Variants in RSRC1 observed in about 807,000 individuals in gnomAD.
The protein encoded by RSRC1 is arginine and serine rich coiled-coil 1, also known as serine/Arginine-related protein 53.
In RSRC1, 39 loss-of-function variants were observed where a neutral mutation model predicts 49.1. The observed-to-expected ratio is 0.79, with a 90% CI of 0.61 to 1.04. The LOEUF (loss-of-function observed/expected upper bound fraction) is 1.04, where lower values mean the gene tolerates loss of function less well. RSRC1 is among the 50% of genes least tolerant of loss of function. RSRC1 has a pLI of 0.00. For missense variants in RSRC1, 388 were observed against 402.4 expected, an observed-to-expected ratio of 0.96 and a Z score of 0.31; for synonymous variants, 143 against 130.8, an observed-to-expected ratio of 1.09 and a Z score of -0.63.
chr3:158,519,342 C>T (rs903533353), intron 7 of RSRC1, among the ~76,000 whole-genome samples: 1 of 151,888 alleles, frequency 6.6e-6, no homozygotes, highest in Non-Finnish European at 1.5e-5. Flanking sequence ...TCTACTCTCT[C>T]GTATTAGAGA....
intron 4 of RSRC1, among the ~76,000 whole-genome samples, chr3:158,283,782 T>C (rs1726323094): frequency 6.6e-6 from 1 of 152,104 alleles, no homozygotes; most frequent in South Asian, 2.1e-4. Flanking sequence ...CCAATTGCCC[T>C]CCAGAAAACC....
rs528618951 is a variant in RSRC1, at chr3:158,430,076, A to AAAAAAAT, written c.584-30855_584-30854insAATAAAA. 4.3e-3 allele frequency among the ~76,000 whole-genome samples: 642 copies of AAAAAAAT among 149,656 alleles called. 6 individuals are homozygous for AAAAAAAT. The highest frequency in any genetic ancestry group is 0.015 in the African/African-American group (603 of 40,490). On this transcript the variant is annotated intron_variant, in intron 6 of 9. Transcript: ENST00000611884. ...TAATCATAAAAACCACACACACAAAAAAAATAAAATAAAATAAAATAAAAT... is the reference window on the plus strand; with the variant it reads ...TAATCATAAAAACCACACACACAAAAAAAAAATAAAATAAAATAAAATAAAATAAAAT...
intron 1 of RSRC1, among the ~76,000 whole-genome samples, chr3:158,118,193 G>A (rs1394261865): frequency 6.6e-6 from 1 of 152,084 alleles, no homozygotes; most frequent in Non-Finnish European, 1.5e-5. Context: ...CAAGTGATCT[G>A]TTTGCCTTGG....
At chr3:158,181,106 A>G (rs1221199337) in intron 3 of RSRC1, among the ~76,000 whole-genome samples, 1 of 152,074 alleles carries the variant, frequency 6.6e-6, no homozygotes, top group Non-Finnish European at 1.5e-5. Flanking sequence ...CCCTGGCCCT[A>G]TGTACGTTTT....
At chr3:158,233,303 A>G (rs961820816) in intron 4 of RSRC1, among the ~76,000 whole-genome samples, 3 of 152,122 alleles carry the variant, frequency 2.0e-5, no homozygotes, top group African/African-American at 7.2e-5. Flanking sequence ...TAGCATAGTT[A>G]AACTTAGTAG....
intron 7 of RSRC1, among the ~76,000 whole-genome samples, chr3:158,518,961 A>C (rs1229698616): frequency 1.3e-5 from 2 of 152,098 alleles, no homozygotes; most frequent in African/African-American, 2.4e-5. Flanking sequence ...TATTACTTCC[A>C]AATTTTTATC....
At chr3:158,371,240 A>T (rs1486003463) in intron 6 of RSRC1, among the ~76,000 whole-genome samples, 2 of 151,886 alleles carry the variant, frequency 1.3e-5, no homozygotes, top group Non-Finnish European at 1.5e-5. Context: ...AATGTTTTTT[A>T]AAAATTAATG....
intron 3 of RSRC1, among the ~76,000 whole-genome samples, chr3:158,137,574 T>C (rs553804620): frequency 9.9e-5 from 15 of 152,046 alleles, no homozygotes; most frequent in African/African-American, 3.6e-4. Flanking sequence ...TTCCAAAAAT[T>C]AGTAGATTCA....
chr3:158,225,832 G>A (rs1578214648), intron 4 of RSRC1: 2 of 319,406 alleles, frequency 6.3e-6, no homozygotes, highest in East Asian at 1.7e-4. Flanking sequence ...ATATCAGTCA[G>A]AGTCCAACCT....
At position 158,530,100 on chromosome 3, in the gene RSRC1, A is replaced by G. The variant is rs545656268; in HGVS notation, c.653-6992A>G. ...ACCAGAAGATGTATGAGCTAAAGCC[A>G]TTTTCTACTTGCCTGAACTCAAGAA... On this transcript the variant is annotated intron_variant, in intron 7 of 9. Coordinates refer to ENST00000611884, the MANE Select transcript of RSRC1 (RefSeq NM_001271838.2). Among the ~76,000 whole-genome samples, 5 of 151,982 alleles carry G rather than the reference A, an allele frequency of 3.3e-5. No homozygotes were observed. In the South Asian group the frequency reaches 1.0e-3, roughly 31 times the overall value.
chr3:158,339,905 G>C (rs1013304851), intron 5 of RSRC1, among the ~76,000 whole-genome samples: 2 of 152,218 alleles, frequency 1.3e-5, no homozygotes, highest in Non-Finnish European at 2.9e-5. Context: ...ATCAGGAAGA[G>C]AGTTAGGGAG....
chr3:158,403,157 C>T (rs887055802), intron 6 of RSRC1, among the ~76,000 whole-genome samples: 1 of 151,756 alleles, frequency 6.6e-6, no homozygotes, highest in Non-Finnish European at 1.5e-5. Context: ...TCTACAATAA[C>T]AGCAATGGGT....
At chr3:158,330,545 T>G (rs138925914) in intron 5 of RSRC1, among the ~76,000 whole-genome samples, 32 of 152,322 alleles carry the variant, frequency 2.1e-4, no homozygotes, top group South Asian at 2.1e-4. Context: ...TTGTCATTGT[T>G]TTCAATAGGT....
At chr3:158,126,941 A>G (rs1345008563) in intron 3 of RSRC1, among the ~76,000 whole-genome samples, 1 of 151,874 alleles carries the variant, frequency 6.6e-6, no homozygotes, top group Non-Finnish European at 1.5e-5. Flanking sequence ...CACTTTGAAT[A>G]TATCACCTGA....
chr3:158,195,433 T>G (rs1054565238), intron 3 of RSRC1, among the ~76,000 whole-genome samples: 1 of 151,756 alleles, frequency 6.6e-6, no homozygotes, highest in Non-Finnish European at 1.5e-5. Context: ...AAACATTTTC[T>G]CCCATTCTGT....
chr3:158,514,410 C>T (rs1392596280), intron 7 of RSRC1, among the ~76,000 whole-genome samples: 1 of 152,242 alleles, frequency 6.6e-6, no homozygotes, highest in East Asian at 1.9e-4. Flanking sequence ...GTTCAGTTTC[C>T]ATGTAGTTGA....
intron 3 of RSRC1, among the ~76,000 whole-genome samples, chr3:158,175,121 T>G (rs1719123872): frequency 6.6e-6 from 1 of 152,150 alleles, no homozygotes; most frequent in African/African-American, 2.4e-5. Context: ...TAATCTCTTT[T>G]ATGAAATGCT....
chr3:158,320,277 G>C (rs1213269583), intron 5 of RSRC1, among the ~76,000 whole-genome samples: 1 of 152,174 alleles, frequency 6.6e-6, no homozygotes, highest in African/African-American at 2.4e-5. Flanking sequence ...TTACACACTA[G>C]TGATCCATAC....
intron 2 of RSRC1, among the ~76,000 whole-genome samples, chr3:158,123,197 G>T (rs1249407997): frequency 6.6e-6 from 1 of 152,164 alleles, no homozygotes; most frequent in Non-Finnish European, 1.5e-5. Flanking sequence ...AGTAGAGACA[G>T]GGTTTCACCA....
Sources: gnomAD v4.1 joint callset for allele counts (sites outside exome capture counted in the v4.1 genomes callset) on GRCh38, gnomAD v4.1.1 for gene constraint, MANE v1.5 for transcripts, NCBI Gene and HGNC (gene_info 2026-07-23, HGNC 2026-07-21) for gene names.